Variants in MDGA2 observed in about 807,000 individuals in gnomAD.
MDGA2 encodes the protein MAM domain containing glycosylphosphatidylinositol anchor 2.
A neutral mutation model predicts 117.8 loss-of-function variants in MDGA2; 40 were observed. The ratio of observed to expected loss-of-function variants is 0.34; its 90% CI spans 0.26 to 0.44. The LOEUF is 0.44. Ranked by LOEUF, MDGA2 falls within the 20% of genes least tolerant of loss-of-function variation. MDGA2 has a pLI of 1.00. For synonymous variants in MDGA2, 452 were observed against 439.0 expected, an observed-to-expected ratio of 1.03 and a Z score of -0.37; for missense variants, 1,123 against 1,250.6, an observed-to-expected ratio of 0.90 and a Z score of 1.54.
intron 1 of MDGA2, among the ~76,000 whole-genome samples, chr14:47,363,543 T>C (rs1187034864): frequency 1.3e-5 from 2 of 152,096 alleles, no homozygotes; most frequent in Non-Finnish European, 2.9e-5. Context: ...CAGGAGTGAG[T>C]CACCATACCT....
intron 8 of MDGA2, among the ~76,000 whole-genome samples, chr14:46,998,194 A>T (rs1413424558): frequency 2.0e-5 from 3 of 152,166 alleles, no homozygotes; most frequent in Non-Finnish European, 4.4e-5. Context: ...CTAAAATTCC[A>T]GAACTTTGGG....
intron 9 of MDGA2, among the ~76,000 whole-genome samples, chr14:46,939,636 A>C (rs1884921318): frequency 6.6e-6 from 1 of 152,188 alleles, no homozygotes; most frequent in East Asian, 1.9e-4. Flanking sequence ...GTTTTAAGGC[A>C]CTTTTGTTGT....
intron 8 of MDGA2, among the ~76,000 whole-genome samples, chr14:47,002,869 G>T (rs1407478514): frequency 6.6e-6 from 1 of 152,054 alleles, no homozygotes; most frequent in Non-Finnish European, 1.5e-5. Context: ...CTACACATAT[G>T]TAAGTGTGTA....
At chr14:47,644,566 G>A (rs1034022733) in intron 1 of MDGA2, among the ~76,000 whole-genome samples, 1 of 151,992 alleles carries the variant, frequency 6.6e-6, no homozygotes, top group Non-Finnish European at 1.5e-5. Flanking sequence ...AGGAAGGAGA[G>A]GGAGAAGGGA....
intron 3 of MDGA2, among the ~76,000 whole-genome samples, chr14:47,208,749 G>A (rs955852193): frequency 1.1e-4 from 17 of 151,542 alleles, no homozygotes; most frequent in Middle Eastern, 3.2e-3. Context: ...GTGTTCTTAA[G>A]GGCCTTTTAT....
chr14:47,378,544 C>A (rs1368298387), intron 1 of MDGA2, among the ~76,000 whole-genome samples: 1 of 152,132 alleles, frequency 6.6e-6, no homozygotes, highest in African/African-American at 2.4e-5. Context: ...AGCTGAAAAC[C>A]ATGGCAGGAG....
intron 14 of MDGA2, chr14:46,871,811 TG>T: frequency 3.6e-6 from 1 of 278,138 alleles, no homozygotes; most frequent in Non-Finnish European, 8.0e-6. Flanking sequence ...GCCAAGTTCC[TG>T]CCCAGGTCTC....
chr14:47,442,169 T>C (rs1222921577), intron 1 of MDGA2, among the ~76,000 whole-genome samples: 3 of 152,072 alleles, frequency 2.0e-5, no homozygotes, highest in Non-Finnish European at 4.4e-5. Flanking sequence ...ATACTTTGAG[T>C]TCTTGTTTTG....
chr14:47,093,419 A>G (rs932115209), intron 6 of MDGA2, among the ~76,000 whole-genome samples: 2 of 152,094 alleles, frequency 1.3e-5, no homozygotes, highest in Non-Finnish European at 2.9e-5. Context: ...AATAGAACGA[A>G]TCATGAAAAC....
chr14:46,950,062 A>T (rs1419080990), intron 9 of MDGA2, among the ~76,000 whole-genome samples: 1 of 152,006 alleles, frequency 6.6e-6, no homozygotes, highest in Admixed American at 6.6e-5. Flanking sequence ...TTATTTAAGT[A>T]TGATATGAAA....
intron 9 of MDGA2, among the ~76,000 whole-genome samples, chr14:46,956,636 G>A (rs1885571519): frequency 6.7e-6 from 1 of 148,900 alleles, no homozygotes. Context: ...CTATTCACAT[G>A]AGATTTGAAT....
chr14:47,457,465 AC>A (rs1428646536), intron 1 of MDGA2, among the ~76,000 whole-genome samples: 3 of 152,190 alleles, frequency 2.0e-5, no homozygotes, highest in African/African-American at 7.2e-5. Flanking sequence ...TGAATTCAAG[AC>A]GCTATGTGGT....
chr14:47,179,380 T>C (rs1182554577), intron 3 of MDGA2, among the ~76,000 whole-genome samples: 1 of 152,116 alleles, frequency 6.6e-6, no homozygotes, highest in Non-Finnish European at 1.5e-5. Flanking sequence ...TGTAGCTTAA[T>C]ATTTAAGGTC....
At chr14:47,622,647 G>A (rs543546092) in intron 1 of MDGA2, among the ~76,000 whole-genome samples, 2 of 152,320 alleles carry the variant, frequency 1.3e-5, no homozygotes, top group South Asian at 4.1e-4. Flanking sequence ...AGTTGCATGA[G>A]GTCTGATGCA....
intron 3 of MDGA2, among the ~76,000 whole-genome samples, chr14:47,190,201 T>G (rs17279319): frequency 0.12 from 17,540 of 152,250 alleles, 1,107 homozygotes; most frequent in Middle Eastern, 0.14. Context: ...ACATGGCCAC[T>G]TTGCTGATTT....
At position 46,965,831 on chromosome 14, in the gene MDGA2, TTC is replaced by T. The variant is rs1886006930; in HGVS notation, c.1820-8190_1820-8189del. Among the ~76,000 whole-genome samples the T allele has an allele frequency of 2.0e-5, 3 of 152,310 alleles. No homozygotes were observed. The South Asian group carries it at 6.2e-4, about 32-fold the overall frequency. ...TCAGTTTTTTATGGCATAAAATTTA[TTC>T]AGAATGTTTTTATGAAGTATTCAAC... On this transcript the variant is annotated intron_variant, in intron 8 of 16. Coordinates refer to ENST00000399232, the MANE Select transcript of MDGA2 (RefSeq NM_001113498.3).
At chr14:47,000,384 TATATATTTATATATAA>T (rs200827395) in intron 8 of MDGA2, among the ~76,000 whole-genome samples, 19,782 of 90,734 alleles carry the variant, frequency 0.22, 1,742 homozygotes, top group African/African-American at 0.24. Flanking sequence ...TATTTATATA[TATATATTTATATATAA>T]ATATATATTT....
At chr14:47,530,421 T>C (rs1895072139) in intron 1 of MDGA2, among the ~76,000 whole-genome samples, 1 of 152,208 alleles carries the variant, frequency 6.6e-6, no homozygotes, top group African/African-American at 2.4e-5. Context: ...GTTTCTGTTT[T>C]AAGGCTCTGT....
intron 7 of MDGA2, among the ~76,000 whole-genome samples, chr14:47,048,466 C>T (rs1488248717): frequency 6.6e-6 from 1 of 152,026 alleles, no homozygotes; most frequent in Non-Finnish European, 1.5e-5. Context: ...ATTACTTCTG[C>T]AATAAAAAGG....
Sources: gnomAD v4.1 joint callset for allele counts (sites outside exome capture counted in the v4.1 genomes callset) on GRCh38, gnomAD v4.1.1 for gene constraint, MANE v1.5 for transcripts, NCBI Gene and HGNC (gene_info 2026-07-23, HGNC 2026-07-21) for gene names.